Variants in DGKI observed in about 807,000 individuals in gnomAD.
DGKI encodes DAG kinase iota.
DGKI carries 55 observed loss-of-function variants against 147.5 expected under a neutral mutation model. The observed-to-expected ratio is 0.37, with a 90% CI of 0.30 to 0.47. The LOEUF (loss-of-function observed/expected upper bound fraction) is 0.47. Ranked by LOEUF, DGKI falls within the 20% of genes least tolerant of loss-of-function variation. The pLI is 1.00. For missense variants in DGKI, 1,007 were observed against 1,323.8 expected (o/e 0.76, Z 3.71); for synonymous variants, 469 against 477.1 (o/e 0.98, Z 0.22).
At chr7:137,715,579 C>A (rs1292169559) in intron 1 of DGKI, among the ~76,000 whole-genome samples, 2 of 152,182 alleles carry the variant, frequency 1.3e-5, no homozygotes, top group Non-Finnish European at 2.9e-5. Flanking sequence ...CTTGTAGAAT[C>A]ACTATTAAAG....
At chr7:137,407,187 G>C (rs990747804) in intron 30 of DGKI, among the ~76,000 whole-genome samples, 1 of 152,138 alleles carries the variant, frequency 6.6e-6, no homozygotes, top group Non-Finnish European at 1.5e-5. Context: ...TACAAAACAT[G>C]ATAAATTCAA....
rs141585796 is a variant in DGKI, at chr7:137,524,081, ATTTC to A, written c.2148-2119_2148-2116del. Among the ~76,000 whole-genome samples, 1,301 of 146,864 alleles carry A rather than the reference ATTTC, an allele frequency of 8.9e-3. 88 individuals carry two copies. The highest frequency in any genetic ancestry group is 0.034 in the African/African-American group (1,228 of 36,456). The stretch of plus-strand genomic sequence containing the variant: ...CTGATGATCTCTGTGTGCTGCTCAG[ATTTC>A]TTTCTTTATCAATAAACAATCATCA... On this transcript the variant is annotated intron_variant, in intron 20 of 32. Transcript: ENST00000614521.
chr7:137,415,958 C>G (rs1435476139), intron 28 of DGKI, among the ~76,000 whole-genome samples: 1 of 151,906 alleles, frequency 6.6e-6, no homozygotes, highest in Admixed American at 6.6e-5. Flanking sequence ...CCACTGCACT[C>G]CAGCCTGAGC....
chr7:137,774,028 CA>C (rs1004437725), intron 1 of DGKI, among the ~76,000 whole-genome samples: 1 of 152,196 alleles, frequency 6.6e-6, no homozygotes, highest in Non-Finnish European at 1.5e-5. Flanking sequence ...CTGAGGTTAA[CA>C]AACAAATAAG....
chr7:137,581,208 A>C (rs556154999), intron 15 of DGKI, among the ~76,000 whole-genome samples: 2 of 152,170 alleles, frequency 1.3e-5, no homozygotes, highest in African/African-American at 4.8e-5. Flanking sequence ...TGTTCCCCTA[A>C]TCTTGACTCC....
intron 19 of DGKI, among the ~76,000 whole-genome samples, chr7:137,570,825 T>C (rs370643624): frequency 1.5e-4 from 23 of 152,204 alleles, no homozygotes; most frequent in South Asian, 8.3e-4. Context: ...CTGACCTCAG[T>C]TGATCCACCC....
At chr7:137,544,474 G>A (rs1283374415) in intron 20 of DGKI, among the ~76,000 whole-genome samples, 2 of 152,122 alleles carry the variant, frequency 1.3e-5, no homozygotes, top group East Asian at 3.9e-4. Flanking sequence ...CTTACCACTA[G>A]ACACAGAGCA....
chr7:137,802,201 C>T (rs1213395915), intron 1 of DGKI, among the ~76,000 whole-genome samples: 1 of 151,962 alleles, frequency 6.6e-6, no homozygotes, highest in Non-Finnish European at 1.5e-5. Context: ...GAGGCAAAGA[C>T]ATAAGGATAA....
At chr7:137,579,585 G>T (rs1017367303) in intron 15 of DGKI, among the ~76,000 whole-genome samples, 1 of 151,916 alleles carries the variant, frequency 6.6e-6, no homozygotes, top group African/African-American at 2.4e-5. Flanking sequence ...GCAAAATCTG[G>T]TTCCAATATC....
intron 1 of DGKI, among the ~76,000 whole-genome samples, chr7:137,769,623 T>A (rs1016575388): frequency 1.6e-4 from 25 of 151,902 alleles, no homozygotes; most frequent in Non-Finnish European, 8.8e-5. Flanking sequence ...CTTAAACAAA[T>A]TTACAAGAAA....
intron 4 of DGKI, 35 bp from the exon 5 acceptor site, chr7:137,654,823 G>T: frequency 7.4e-7 from 1 of 1,354,098 alleles, no homozygotes; most frequent in Non-Finnish European, 1.0e-6. Flanking sequence ...TTATATTAGA[G>T]ATAAGCATCA....
At chr7:137,404,564 C>T (rs771665213) in intron 30 of DGKI, among the ~76,000 whole-genome samples, 1 of 152,142 alleles carries the variant, frequency 6.6e-6, no homozygotes, top group Non-Finnish European at 1.5e-5. Flanking sequence ...GCTCTCCCAT[C>T]TCCACAGTCT....
chr7:137,704,197 T>C (rs1563158407), intron 1 of DGKI, among the ~76,000 whole-genome samples: 2 of 151,940 alleles, frequency 1.3e-5, no homozygotes, highest in African/African-American at 4.8e-5. Flanking sequence ...GGGAAATAAA[T>C]AAATAACAGC....
rs184050668 is a variant in DGKI, at chr7:137,504,748, A to T, written c.2249-17059T>A. On this transcript the variant is annotated intron_variant, in intron 21 of 32. Coordinates refer to ENST00000614521, the MANE Select transcript of DGKI (RefSeq NM_001321708.2). Reference sequence around the variant, plus strand: ...AGTATTAAGAAACCAATAGCCTTTTAAAAAAAACCCATTCCCTAGAAAATA... The same window carrying T: ...AGTATTAAGAAACCAATAGCCTTTTTAAAAAAACCCATTCCCTAGAAAATA... Among the ~76,000 whole-genome samples the T allele has an allele frequency of 1.5e-4, 23 of 151,314 alleles. No homozygotes were observed. The East Asian group carries it at 3.7e-3, about 24-fold the overall frequency.
At chr7:137,630,220 C>T (rs860640) in intron 6 of DGKI, among the ~76,000 whole-genome samples, 7,023 of 152,138 alleles carry the variant, frequency 0.046, 193 homozygotes, top group Middle Eastern at 0.095. Context: ...TTTCAGTGCC[C>T]TTACTGTCTA....
intron 19 of DGKI, among the ~76,000 whole-genome samples, chr7:137,569,472 T>C (rs543299303): frequency 1.6e-3 from 250 of 152,000 alleles, no homozygotes; most frequent in African/African-American, 5.6e-3. Context: ...CTCACGCCTG[T>C]AATCCCAGCA....
intron 1 of DGKI, chr7:137,843,406 T>G: frequency 1.4e-5 from 14 of 985,096 alleles, no homozygotes; most frequent in African/African-American, 1.7e-5. Flanking sequence ...TCGCACTGCC[T>G]TTTCAAACCT....
chr7:137,417,884 A>G (rs975209877), intron 28 of DGKI, among the ~76,000 whole-genome samples: 1 of 152,204 alleles, frequency 6.6e-6, no homozygotes. Context: ...TCTTTGAAGC[A>G]GAGAGTAATT....
rs111595944 is a variant in DGKI, at chr7:137,462,341, T to A, written c.2735+1148A>T. On this transcript the variant is annotated intron_variant, in intron 27 of 32. Transcript: ENST00000614521. Reference sequence around the variant, plus strand: ...GGAAAACATCCTGAATTATAAGCAATCAAAATGCCATCAGAAACTAACAAC... The same window carrying A: ...GGAAAACATCCTGAATTATAAGCAAACAAAATGCCATCAGAAACTAACAAC... 7.6e-4 allele frequency among the ~76,000 whole-genome samples: 115 copies of A among 152,226 alleles called. 1 individual carries two copies. The highest frequency in any genetic ancestry group is 2.0e-3 in the African/African-American group (82 of 41,542).
Sources: allele counts gnomAD v4.1 joint callset (sites outside exome capture counted in the v4.1 genomes callset), GRCh38; gene constraint gnomAD v4.1.1; transcripts MANE v1.5; gene names NCBI Gene and HGNC (gene_info 2026-07-23, HGNC 2026-07-21).